MTUS2: variants seen among roughly 807,000 people sequenced by gnomAD.
MTUS2 encodes microtubule-associated tumor suppressor candidate 2.
MTUS2 carries 40 observed loss-of-function variants against 114.1 expected under a neutral mutation model. The observed-to-expected ratio is 0.35, with a 90% CI of 0.27 to 0.46. The LOEUF is 0.46. Ranked by LOEUF, MTUS2 falls within the 20% of genes least tolerant of loss-of-function variation. The probability of loss-of-function intolerance (pLI) is 1.00; values close to 1 mark genes in which losing one functional copy is unlikely to be tolerated. For synonymous variants in MTUS2, 688 were observed against 672.0 expected (o/e 1.02, Z -0.37); for missense variants, 1,679 against 1,705.4 (o/e 0.98, Z 0.27).
At chr13:28,876,956 T>C (rs1877972394) in intron 2 of MTUS2, among the ~76,000 whole-genome samples, 1 of 152,060 alleles carries the variant, frequency 6.6e-6, no homozygotes, top group Non-Finnish European at 1.5e-5. Flanking sequence ...GAGATAAACA[T>C]TTATACGTTG....
chr13:29,463,851 T>C lies in MTUS2; in HGVS notation c.3185-16299T>C, dbSNP rs529512494. On this transcript the variant is annotated intron_variant, in intron 9 of 15. Coordinates refer to ENST00000612955, the MANE Select transcript of MTUS2 (RefSeq NM_001033602.4). ...CCATCTCTACTAAAAATATGAAAAT[T>C]AGCCAGGTGTGGTGGCACGTACCTG... Among the ~76,000 whole-genome samples the C allele has an allele frequency of 4.3e-4, 66 of 152,188 alleles. No homozygotes were observed. The Middle Eastern group carries it at 0.014, about 31-fold the overall frequency.
In MTUS2 at chr13:28,970,871, G is replaced by A. The variant is rs189116866; in HGVS notation, c.-242-53586G>A. On this transcript the variant is annotated intron_variant, in intron 2 of 15. Coordinates refer to ENST00000612955, the MANE Select transcript of MTUS2 (RefSeq NM_001033602.4). ...ATTGTCAGTGACCAGAGGAGACGCC[G>A]CACTCAGGGTTATAGGGTCCACCGT... 6.6e-5 allele frequency among the ~76,000 whole-genome samples: 10 copies of A among 152,236 alleles called. No individual in the cohort carries two copies. In the East Asian group the frequency reaches 1.5e-3, roughly 23 times the overall value.
At chr13:29,361,120 A>G (rs1398511665) in intron 8 of MTUS2, among the ~76,000 whole-genome samples, 1 of 152,178 alleles carries the variant, frequency 6.6e-6, no homozygotes, top group Non-Finnish European at 1.5e-5. Flanking sequence ...TGTTCCAGGA[A>G]AATTCCTTGT....
chr13:29,379,784 A>G (rs990294797), intron 8 of MTUS2, among the ~76,000 whole-genome samples: 4 of 152,226 alleles, frequency 2.6e-5, no homozygotes, highest in Non-Finnish European at 5.9e-5. Context: ...TTGAGAAATT[A>G]TGGCATTTTA....
chr13:29,053,510 T>C (rs1253631520), intron 4 of MTUS2, among the ~76,000 whole-genome samples: 1 of 152,196 alleles, frequency 6.6e-6, no homozygotes, highest in Non-Finnish European at 1.5e-5. Context: ...CCTAGCTGAA[T>C]TAATAAGACC....
At chr13:29,467,857 G>A (rs1401479555) in intron 9 of MTUS2, among the ~76,000 whole-genome samples, 1 of 152,232 alleles carries the variant, frequency 6.6e-6, no homozygotes, top group Non-Finnish European at 1.5e-5. Flanking sequence ...GCTCACGCCT[G>A]TAATCCCAGC....
rs189240968 is a variant in MTUS2, at chr13:29,094,974, A to C, written c.2447-5799A>C. Among the ~76,000 whole-genome samples, 85 of 152,176 alleles carry C rather than the reference A, an allele frequency of 5.6e-4. 3 individuals carry two copies. Among genetic ancestry groups the C allele is most frequent in the Admixed American group, 4.6e-3 (71 of 15,296 alleles). On this transcript the variant is annotated intron_variant, in intron 4 of 15. Transcript: ENST00000612955. The stretch of plus-strand genomic sequence containing the variant: ...GTGTTCATATATTTGAGAATTACCC[A>C]AATTTCCTTGTTATTGATTTTTAAT...
intron 3 of MTUS2, among the ~76,000 whole-genome samples, chr13:29,032,790 G>A (rs775218249): frequency 6.6e-6 from 1 of 152,178 alleles, no homozygotes; most frequent in Non-Finnish European, 1.5e-5. Flanking sequence ...AAAGAATACT[G>A]TTAAATGCTT....
chr13:29,200,414 G>T (rs1894893013), intron 5 of MTUS2, among the ~76,000 whole-genome samples: 1 of 151,386 alleles, frequency 6.6e-6, no homozygotes. Context: ...TAGTTTTTAA[G>T]AACTTATTTA....
intron 2 of MTUS2, among the ~76,000 whole-genome samples, chr13:28,972,990 T>C (rs1293292278): frequency 5.9e-5 from 9 of 152,166 alleles, no homozygotes; most frequent in Non-Finnish European, 1.3e-4. Flanking sequence ...TATCCTCTTA[T>C]TATATATGTA....
intron 5 of MTUS2, among the ~76,000 whole-genome samples, chr13:29,247,380 C>T (rs1896964389): frequency 6.6e-6 from 1 of 152,132 alleles, no homozygotes; most frequent in Non-Finnish European, 1.5e-5. Flanking sequence ...AACCCAAAAG[C>T]AAATGCAACA....
chr13:28,870,303 C>T (rs1224354188), intron 2 of MTUS2, among the ~76,000 whole-genome samples: 3 of 152,146 alleles, frequency 2.0e-5, no homozygotes, highest in African/African-American at 7.2e-5. Flanking sequence ...AATGAAATAT[C>T]TCTTACTGTT....
chr13:29,143,364 G>C (rs575941212), intron 5 of MTUS2, among the ~76,000 whole-genome samples: 1 of 152,160 alleles, frequency 6.6e-6, no homozygotes, highest in South Asian at 2.1e-4. Context: ...TCTAAATTTG[G>C]TGCTCCATAT....
At chr13:29,460,548 A>G (rs557806548) in intron 9 of MTUS2, among the ~76,000 whole-genome samples, 6 of 152,264 alleles carry the variant, frequency 3.9e-5, no homozygotes, top group African/African-American at 9.6e-5. Flanking sequence ...AAAAGCCTCC[A>G]TTTCTGCTGT....
chr13:29,163,527 CAT>C (rs1445179001), intron 5 of MTUS2, among the ~76,000 whole-genome samples: 1 of 152,172 alleles, frequency 6.6e-6, no homozygotes, highest in Non-Finnish European at 1.5e-5. Flanking sequence ...CACCCGTGTG[CAT>C]ATGTGTTCAC....
chr13:29,217,647 G>GT (rs1566072693), intron 5 of MTUS2, among the ~76,000 whole-genome samples: 2 of 152,152 alleles, frequency 1.3e-5, no homozygotes, highest in Non-Finnish European at 2.9e-5. Context: ...GAACATTGAA[G>GT]TTTTTTACAA....
intron 9 of MTUS2, among the ~76,000 whole-genome samples, chr13:29,477,209 A>G (rs1880768253): frequency 6.6e-6 from 1 of 152,158 alleles, no homozygotes; most frequent in Non-Finnish European, 1.5e-5. Context: ...TACTTGAATT[A>G]ATTTGACTTT....
chr13:28,975,898 C>T (rs1450940700), intron 2 of MTUS2, among the ~76,000 whole-genome samples: 1 of 152,062 alleles, frequency 6.6e-6, no homozygotes, highest in East Asian at 1.9e-4. Flanking sequence ...CCTCTTGGAG[C>T]GTACAGTGGA....
chr13:28,951,039 A>G (rs1360843593), intron 2 of MTUS2, among the ~76,000 whole-genome samples: 1 of 152,226 alleles, frequency 6.6e-6, no homozygotes, highest in Non-Finnish European at 1.5e-5. Flanking sequence ...ATGATCTTAT[A>G]TCTAGGAAAC....
Sources: allele counts gnomAD v4.1 joint callset (sites outside exome capture counted in the v4.1 genomes callset), GRCh38; gene constraint gnomAD v4.1.1; transcripts MANE v1.5; gene names NCBI Gene and HGNC (gene_info 2026-07-23, HGNC 2026-07-21).